HS3ST4: variants seen among roughly 807,000 people sequenced by gnomAD.
HS3ST4 encodes heparan sulfate-glucosamine 3-sulfotransferase 4.
Under a neutral mutation model 29.2 loss-of-function variants are expected in HS3ST4, and 17 were observed. The observed-to-expected ratio is 0.58, with a 90% CI of 0.40 to 0.87. HS3ST4 has a LOEUF of 0.87. Among genes scored for constraint, HS3ST4 ranks in the 40% least tolerant of loss-of-function variants. HS3ST4 has a pLI of 0.00. For missense variants in HS3ST4, 627 were observed against 634.5 expected, an observed-to-expected ratio of 0.99 and a Z score of 0.13; for synonymous variants, 314 against 285.7, an observed-to-expected ratio of 1.10 and a Z score of -1.00.
intron 1 of HS3ST4, among the ~76,000 whole-genome samples, chr16:25,866,864 A>G (rs995642591): frequency 6.6e-6 from 1 of 152,160 alleles, no homozygotes; most frequent in African/African-American, 2.4e-5. Context: ...TTAAAAAGAC[A>G]GCACTTATTA....
chr16:25,834,921 T>G (rs1967342315), intron 1 of HS3ST4, among the ~76,000 whole-genome samples: 1 of 152,132 alleles, frequency 6.6e-6, no homozygotes, highest in Non-Finnish European at 1.5e-5. Flanking sequence ...CACTCCAGCC[T>G]GGGCGACAGA....
At chr16:25,821,756 G>A (rs1299449524) in intron 1 of HS3ST4, among the ~76,000 whole-genome samples, 1 of 152,090 alleles carries the variant, frequency 6.6e-6, no homozygotes, top group Non-Finnish European at 1.5e-5. Context: ...GTGAAATCCT[G>A]TCTCTACTAA....
chr16:25,812,850 C>T (rs1032147999), intron 1 of HS3ST4, among the ~76,000 whole-genome samples: 2 of 152,136 alleles, frequency 1.3e-5, no homozygotes, highest in African/African-American at 4.8e-5. Flanking sequence ...TATAGGTGTG[C>T]ACCACCTTGC....
chr16:26,122,989 G>C (rs1381686578), intron 1 of HS3ST4, among the ~76,000 whole-genome samples: 3 of 151,408 alleles, frequency 2.0e-5, no homozygotes, highest in Admixed American at 6.6e-5. Context: ...TGGAGGCGGA[G>C]TTTGCAGTGA....
intron 1 of HS3ST4, among the ~76,000 whole-genome samples, chr16:26,080,930 C>T (rs774095604): frequency 1.3e-5 from 2 of 152,130 alleles, no homozygotes; most frequent in Non-Finnish European, 2.9e-5. Flanking sequence ...CGTCCACGGA[C>T]CAGCAGCTAA....
At chr16:26,012,789 A>G (rs1043163595) in intron 1 of HS3ST4, among the ~76,000 whole-genome samples, 2 of 152,194 alleles carry the variant, frequency 1.3e-5, no homozygotes, top group African/African-American at 4.8e-5. Context: ...AGATTTATTA[A>G]ATAAGAAATT....
chr16:25,850,519 C>T (rs1265092610), intron 1 of HS3ST4, among the ~76,000 whole-genome samples: 2 of 152,216 alleles, frequency 1.3e-5, no homozygotes, highest in African/African-American at 4.8e-5. Flanking sequence ...AATTCTGGCT[C>T]TTAGCACATT....
At chr16:26,081,213 G>A (rs1235479621) in intron 1 of HS3ST4, among the ~76,000 whole-genome samples, 1 of 151,516 alleles carries the variant, frequency 6.6e-6, no homozygotes, top group Non-Finnish European at 1.5e-5. Flanking sequence ...CTTGAGCCCA[G>A]GAGGCAGAGG....
intron 1 of HS3ST4, among the ~76,000 whole-genome samples, chr16:25,749,022 C>G (rs1289002738): frequency 1.3e-5 from 2 of 152,122 alleles, no homozygotes; most frequent in African/African-American, 2.4e-5. Flanking sequence ...GATGCTAAAA[C>G]AGGAGAGGTA....
At chr16:25,939,599 A>G (rs370917093) in intron 1 of HS3ST4, among the ~76,000 whole-genome samples, 2 of 152,172 alleles carry the variant, frequency 1.3e-5, no homozygotes, top group African/African-American at 4.8e-5. Context: ...TCAGTCTCCC[A>G]AAGTGTTGGG....
At chr16:25,806,455 A>G (rs1966992402) in intron 1 of HS3ST4, among the ~76,000 whole-genome samples, 1 of 152,152 alleles carries the variant, frequency 6.6e-6, no homozygotes, top group Non-Finnish European at 1.5e-5. Context: ...CAGTCCAGGG[A>G]GAAGTGGGAG....
chr16:25,703,854 C>G (rs1476533180), intron 1 of HS3ST4, among the ~76,000 whole-genome samples: 1 of 152,160 alleles, frequency 6.6e-6, no homozygotes, highest in Non-Finnish European at 1.5e-5. Flanking sequence ...AATTTCAGCT[C>G]CTCTAAAAGG....
intron 1 of HS3ST4, among the ~76,000 whole-genome samples, chr16:25,869,900 G>A (rs1354074490): frequency 6.6e-6 from 1 of 152,122 alleles, no homozygotes; most frequent in Non-Finnish European, 1.5e-5. Context: ...TAGAGATGAA[G>A]AAAATAAGGC....
chr16:25,783,964 A>G (rs540878678), intron 1 of HS3ST4, among the ~76,000 whole-genome samples: 19 of 152,344 alleles, frequency 1.2e-4, no homozygotes, highest in Admixed American at 4.6e-4. Context: ...AAGCAAGTCT[A>G]TAAGTGCCAT....
chr16:25,777,441 G>GTGTA (rs1023390684), intron 1 of HS3ST4, among the ~76,000 whole-genome samples: 3 of 151,184 alleles, frequency 2.0e-5, no homozygotes, highest in African/African-American at 7.4e-5. Flanking sequence ...GTGTGTGTGT[G>GTGTA]TGTGTGCACG....
chr16:25,903,298 G>GTATA (rs1567268669), intron 1 of HS3ST4, among the ~76,000 whole-genome samples: 2 of 16,700 alleles, frequency 1.2e-4, no homozygotes, highest in African/African-American at 5.3e-4. Context: ...GTGTGTGTGT[G>GTATA]TGTGTATGTA....
intron 1 of HS3ST4, among the ~76,000 whole-genome samples, chr16:25,712,185 A>G (rs528111231): frequency 9.1e-4 from 139 of 152,258 alleles, no homozygotes; most frequent in African/African-American, 3.3e-3. Context: ...CCAAATTTTG[A>G]GCCTGACCAC....
intron 1 of HS3ST4, among the ~76,000 whole-genome samples, chr16:26,091,380 G>A (rs1055576033): frequency 1.3e-5 from 2 of 152,168 alleles, no homozygotes; most frequent in African/African-American, 4.8e-5. Context: ...CTCAATGAAT[G>A]CCTATTGAGT....
intron 1 of HS3ST4, among the ~76,000 whole-genome samples, chr16:25,724,062 C>T (rs540663618): frequency 0.011 from 1,559 of 138,074 alleles, 10 homozygotes; most frequent in Non-Finnish European, 0.018. Context: ...TGCAGAGAGC[C>T]GAGGTCGTGC....
Sources: gnomAD v4.1 joint callset for allele counts (sites outside exome capture counted in the v4.1 genomes callset) on GRCh38, gnomAD v4.1.1 for gene constraint, MANE v1.5 for transcripts, NCBI Gene and HGNC (gene_info 2026-07-23, HGNC 2026-07-21) for gene names.